Variants in DLGAP1 observed in about 807,000 individuals in gnomAD.
DLGAP1 encodes the protein disks large-associated protein 1.
Under a neutral mutation model 90.8 loss-of-function variants are expected in DLGAP1, and 11 were observed. The ratio of observed to expected loss-of-function variants is 0.12; its 90% CI spans 0.08 to 0.20. The LOEUF (loss-of-function observed/expected upper bound fraction) is 0.20. Ranked by LOEUF, DLGAP1 falls within the 10% of genes least tolerant of loss-of-function variation. The pLI, the probability that DLGAP1 is intolerant of heterozygous loss-of-function variation, is 1.00. For synonymous variants in DLGAP1, 558 were observed against 540.7 expected, an observed-to-expected ratio of 1.03 and a Z score of -0.44; for missense variants, 1,050 against 1,333.8, an observed-to-expected ratio of 0.79 and a Z score of 3.31.
chr18:3,868,635 A>G (rs1204167587), intron 4 of DLGAP1, among the ~76,000 whole-genome samples: 4 of 152,148 alleles, frequency 2.6e-5, no homozygotes, highest in African/African-American at 4.8e-5. Flanking sequence ...TAAGAGATAT[A>G]ATTTCATTAA....
At chr18:4,380,150 T>G (rs187650615) in intron 1 of DLGAP1, among the ~76,000 whole-genome samples, 270 of 152,302 alleles carry the variant, frequency 1.8e-3, no homozygotes, top group Admixed American at 3.5e-3. Flanking sequence ...GAATAGGACT[T>G]GTAGTTTAAG....
intron 2 of DLGAP1, among the ~76,000 whole-genome samples, chr18:4,063,281 A>C (rs1321366730): frequency 6.6e-6 from 1 of 152,108 alleles, no homozygotes; most frequent in Non-Finnish European, 1.5e-5. Context: ...ACTACAATCT[A>C]TGAAGGGTTT....
intron 3 of DLGAP1, among the ~76,000 whole-genome samples, chr18:4,003,262 G>C (rs1599305793): frequency 6.6e-6 from 1 of 152,152 alleles, no homozygotes; most frequent in African/African-American, 2.4e-5. Flanking sequence ...TAGAGACAGG[G>C]AAGGTGCCAT....
chr18:3,763,599 A>G (rs1331337267), intron 5 of DLGAP1, among the ~76,000 whole-genome samples: 1 of 151,710 alleles, frequency 6.6e-6, no homozygotes, highest in Non-Finnish European at 1.5e-5. Context: ...ATATCAAATG[A>G]TGTTAAATCA....
At chr18:4,343,591 T>C (rs531591673) in intron 1 of DLGAP1, among the ~76,000 whole-genome samples, 2 of 152,048 alleles carry the variant, frequency 1.3e-5, no homozygotes, top group East Asian at 3.9e-4. Context: ...CTTTCCTTTC[T>C]AAATTAAAAT....
chr18:3,856,588 G>A (rs181812563), intron 4 of DLGAP1, among the ~76,000 whole-genome samples: 2 of 152,218 alleles, frequency 1.3e-5, no homozygotes, highest in East Asian at 1.9e-4. Context: ...CAGGCCAGAC[G>A]CGGTGGCTCA....
Position 3,565,824 on chromosome 18 carries a change from G to A in DLGAP1, c.2057+1666C>T, listed in dbSNP as rs2054395355. On this transcript the variant is annotated intron_variant, in intron 9 of 12. Transcript: ENST00000315677. The surrounding 1 kb of genome is among the most constrained non-coding windows in gnomAD (Gnocchi z 4.0). Reference sequence around the variant, plus strand: ...CACCCCAGCCTGGGCGACAGAGTGAGACTCTGTCTCAAAAAAACCACACAC... The same window carrying A: ...CACCCCAGCCTGGGCGACAGAGTGAAACTCTGTCTCAAAAAAACCACACAC... Among the ~76,000 whole-genome samples the A allele has an allele frequency of 6.6e-6, 1 of 151,684 alleles. No homozygotes were observed. The highest frequency in any genetic ancestry group is 1.5e-5 in the Non-Finnish European group (1 of 67,962).
chr18:4,006,227 G>A (rs1214752686), intron 2 of DLGAP1, among the ~76,000 whole-genome samples: 1 of 152,160 alleles, frequency 6.6e-6, no homozygotes, highest in African/African-American at 2.4e-5. Flanking sequence ...GCAACTATGG[G>A]AGACTAGCAA....
At chr18:4,112,576 T>G (rs1237880164) in intron 2 of DLGAP1, among the ~76,000 whole-genome samples, 3 of 152,190 alleles carry the variant, frequency 2.0e-5, no homozygotes, top group Non-Finnish European at 2.9e-5. Context: ...GCTGTTGTTG[T>G]ATTTTGGGGT....
At position 3,739,219 on chromosome 18, in the gene DLGAP1, G is replaced by A. The variant is rs1383616039; in HGVS notation, c.1350+3116C>T. 2.7e-3 allele frequency among the ~76,000 whole-genome samples: 411 copies of A among 149,874 alleles called. 1 individual carries two copies. The highest frequency in any genetic ancestry group is 9.7e-3 in the African/African-American group (391 of 40,404). The stretch of plus-strand genomic sequence containing the variant: ...CAACCATTGTGGAAGTCAGTGTGGC[G>A]ATTCCTCAGGGATCTAGAACCAGAA... On this transcript the variant is annotated intron_variant, in intron 6 of 12. Coordinates refer to ENST00000315677, the MANE Select transcript of DLGAP1 (RefSeq NM_004746.4).
intron 1 of DLGAP1, among the ~76,000 whole-genome samples, chr18:4,360,531 T>C (rs537089848): frequency 4.6e-5 from 7 of 152,322 alleles, no homozygotes; most frequent in African/African-American, 1.2e-4. Context: ...TAAATAATGA[T>C]AAACATAGAT....
chr18:4,336,625 T>C (rs1281518698), intron 1 of DLGAP1, among the ~76,000 whole-genome samples: 1 of 152,162 alleles, frequency 6.6e-6, no homozygotes, highest in Non-Finnish European at 1.5e-5. Context: ...CATCTAATCT[T>C]ATCTCATGTA....
At chr18:4,102,250 A>G (rs2075791549) in intron 2 of DLGAP1, among the ~76,000 whole-genome samples, 1 of 152,192 alleles carries the variant, frequency 6.6e-6, no homozygotes, top group South Asian at 2.1e-4. Context: ...ACTTTCTGGA[A>G]ACAGTACTAC....
intron 3 of DLGAP1, among the ~76,000 whole-genome samples, chr18:3,975,234 C>T (rs1285369342): frequency 6.6e-6 from 1 of 151,992 alleles, no homozygotes; most frequent in Non-Finnish European, 1.5e-5. Context: ...ATATGCAAAA[C>T]AAACACTTCA....
At chr18:4,106,044 A>AG (rs2075860456) in intron 2 of DLGAP1, among the ~76,000 whole-genome samples, 1 of 55,778 alleles carries the variant, frequency 1.8e-5, no homozygotes, top group Admixed American at 1.3e-4. Context: ...AAAAAAAAAA[A>AG]AAAAAAAAAA....
chr18:3,641,856 A>T (rs919530469), intron 7 of DLGAP1, among the ~76,000 whole-genome samples: 6 of 152,168 alleles, frequency 3.9e-5, no homozygotes, highest in Non-Finnish European at 8.8e-5. Flanking sequence ...TGAGTCTTGA[A>T]AAAAGAGTCA....
intron 3 of DLGAP1, among the ~76,000 whole-genome samples, chr18:3,952,645 G>A (rs1445723563): frequency 6.6e-6 from 1 of 152,096 alleles, no homozygotes; most frequent in Non-Finnish European, 1.5e-5. Flanking sequence ...GAGAGAAAAG[G>A]GTAAATGTTA....
intron 5 of DLGAP1, among the ~76,000 whole-genome samples, chr18:3,769,673 T>C (rs774052527): frequency 2.0e-5 from 3 of 152,110 alleles, no homozygotes; most frequent in Non-Finnish European, 2.9e-5. Flanking sequence ...GGAGAACAGA[T>C]TGGTGATTGC....
At chr18:4,205,771 G>T (rs1386692573) in intron 1 of DLGAP1, among the ~76,000 whole-genome samples, 2 of 152,208 alleles carry the variant, frequency 1.3e-5, no homozygotes, top group Non-Finnish European at 2.9e-5. Context: ...ATAACACAGA[G>T]AATGTTTCCA....
Sources: allele counts gnomAD v4.1 joint callset (sites outside exome capture counted in the v4.1 genomes callset), GRCh38; gene constraint gnomAD v4.1.1; non-coding constraint Gnocchi (gnomAD v3.1); transcripts MANE v1.5; gene names NCBI Gene and HGNC (gene_info 2026-07-23, HGNC 2026-07-21).